The following LRP1B variants were observed in gnomAD, a reference collection of about 807,000 sequenced individuals.
LRP1B encodes the protein low-density lipoprotein receptor-related protein 1B.
In LRP1B, 217 loss-of-function variants were observed where a neutral mutation model predicts 556.6. That is an observed-to-expected ratio of 0.39 (90% confidence interval 0.35 to 0.44). LRP1B has a LOEUF of 0.44. Ranked by LOEUF, LRP1B falls within the 20% of genes least tolerant of loss-of-function variation. The pLI is 1.00. For missense variants in LRP1B, 5,053 were observed against 5,620.8 expected (o/e 0.90, Z 3.23); for synonymous variants, 2,047 against 1,865.8 (o/e 1.10, Z -2.50).
intron 1 of LRP1B, among the ~76,000 whole-genome samples, chr2:141,986,249 T>C (rs1702183725): frequency 6.6e-6 from 1 of 151,982 alleles, no homozygotes; most frequent in Admixed American, 6.6e-5. Context: ...GTAGTTAAGA[T>C]GGTAAATTTT....
chr2:141,152,423 G>GA (rs1701947357), intron 7 of LRP1B, among the ~76,000 whole-genome samples: 1 of 151,928 alleles, frequency 6.6e-6, no homozygotes, highest in Middle Eastern at 3.4e-3. Flanking sequence ...ATACACTCAG[G>GA]AAAAAATTAT....
intron 11 of LRP1B, among the ~76,000 whole-genome samples, chr2:141,026,194 G>A (rs10496864): frequency 0.13 from 19,957 of 151,962 alleles, 1,799 homozygotes; most frequent in African/African-American, 0.26. Flanking sequence ...TTTTGGTACC[G>A]ATTTCATCAA....
At chr2:141,000,497 G>A (rs1307171186) in intron 15 of LRP1B, among the ~76,000 whole-genome samples, 1 of 152,072 alleles carries the variant, frequency 6.6e-6, no homozygotes, top group African/African-American at 2.4e-5. Flanking sequence ...GGCTTTAGAT[G>A]TGTCTATTAC....
At chr2:140,244,766 ACAGAGGCAGT>A (rs113458462) in intron 87 of LRP1B, among the ~76,000 whole-genome samples, 5,733 of 151,416 alleles carry the variant, frequency 0.038, 365 homozygotes, top group African/African-American at 0.13. Flanking sequence ...AATTAGGCAG[ACAGAGGCAGT>A]GTATTCTGGA....
At chr2:140,485,991 A>G (rs1052796890) in intron 58 of LRP1B, among the ~76,000 whole-genome samples, 1 of 151,996 alleles carries the variant, frequency 6.6e-6, no homozygotes, top group South Asian at 2.1e-4. Context: ...GGAGAGAAGA[A>G]AACACCAACG....
chr2:141,248,608 G>T (rs1300161137), intron 4 of LRP1B, among the ~76,000 whole-genome samples: 1 of 152,154 alleles, frequency 6.6e-6, no homozygotes, highest in African/African-American at 2.4e-5. Flanking sequence ...AAGCAAGGGT[G>T]TGTGAAGGAA....
At chr2:141,301,869 C>T (rs751239633) in intron 3 of LRP1B, among the ~76,000 whole-genome samples, 6 of 151,988 alleles carry the variant, frequency 3.9e-5, no homozygotes, top group Non-Finnish European at 8.8e-5. Flanking sequence ...AAATCAGTAG[C>T]CTAAAAAAAC....
At chr2:141,543,803 T>A (rs546237513) in intron 2 of LRP1B, among the ~76,000 whole-genome samples, 1 of 151,836 alleles carries the variant, frequency 6.6e-6, no homozygotes, top group South Asian at 2.1e-4. Flanking sequence ...ATTTTGAGTG[T>A]TTATCATGGG....
chr2:142,123,876 A>C (rs1438198904), intron 1 of LRP1B, among the ~76,000 whole-genome samples: 1 of 151,940 alleles, frequency 6.6e-6, no homozygotes, highest in Non-Finnish European at 1.5e-5. Flanking sequence ...AAATGTATTA[A>C]TCAAAATTAA....
intron 41 of LRP1B, among the ~76,000 whole-genome samples, chr2:140,662,585 A>G (rs902621262): frequency 6.6e-6 from 1 of 152,198 alleles, no homozygotes; most frequent in African/African-American, 2.4e-5. Context: ...TGTTGATATT[A>G]TTGAAAATAT....
At chr2:142,017,436 G>T (rs1175499424) in intron 1 of LRP1B, among the ~76,000 whole-genome samples, 1 of 152,080 alleles carries the variant, frequency 6.6e-6, no homozygotes, top group African/African-American at 2.4e-5. Context: ...GATATATGTT[G>T]CATTCTAGGA....
chr2:141,353,143 C>G (rs562632386), intron 3 of LRP1B, among the ~76,000 whole-genome samples: 1 of 151,978 alleles, frequency 6.6e-6, no homozygotes, highest in East Asian at 1.9e-4. Context: ...GATCATATTT[C>G]CCAACATCCC....
In LRP1B at chr2:140,314,950, C is replaced by T. The variant is rs17386226; in HGVS notation, c.12790G>A (p.Val4264Ile). The T allele has an allele frequency of 1.6e-4, 252 of 1,603,940 alleles. 3 individuals carry two copies. In the South Asian group the frequency reaches 1.8e-3, roughly 11 times the overall value. The change falls in exon 83 of 91, where the codon GTA becomes ATA. Residue 4264 changes from valine (V) to isoleucine (I), a missense_variant. Coordinates refer to ENST00000389484, the MANE Select transcript of LRP1B (RefSeq NM_018557.3). ...SNYCQNGGTC[V>I]PSVLGRPTCS... ...AAATATTTACCTAGAACTGATGGTA[C>T]GCAAGTTCCTCCATTCTGGCAGTAG...
At chr2:140,361,740 C>G (rs972765522) in intron 72 of LRP1B, among the ~76,000 whole-genome samples, 1 of 151,346 alleles carries the variant, frequency 6.6e-6, no homozygotes, top group Non-Finnish European at 1.5e-5. Context: ...CCTGACCTAT[C>G]TTTATTTCCA....
Position 140,404,431 on chromosome 2 carries a change from C to T in LRP1B, c.10415-18422G>A, listed in dbSNP as rs1293080220. Among the ~76,000 whole-genome samples, 4 of 151,870 alleles carry T rather than the reference C, an allele frequency of 2.6e-5. No individual in the cohort carries two copies. In the East Asian group the frequency reaches 5.8e-4, roughly 22 times the overall value. ...TCATGATCCGCCCACTTCGGCCTCC[C>T]AATGTGCTGGGATTGCAGGCATGAG... On this transcript the variant is annotated intron_variant, in intron 66 of 90. Coordinates refer to ENST00000389484, the MANE Select transcript of LRP1B (RefSeq NM_018557.3).
chr2:140,297,921 C>T lies in LRP1B; in HGVS notation c.12854G>A (p.Gly4285Asp), dbSNP rs774017589. The change falls in exon 84 of 91, where the codon GGT becomes GAT. Residue 4285 changes from glycine to aspartate, a missense_variant. By Grantham distance (94) the Gly-to-Asp change is moderately conservative. Transcript: ENST00000389484. ...ACAAAAATCCTCACAGACTGTCTTACCACAGTTTGGCCCAGTGAAACCCAG... is the reference window on the plus strand; with the variant it reads ...ACAAAAATCCTCACAGACTGTCTTATCACAGTTTGGCCCAGTGAAACCCAG... ...CALGFTGPNC[G>D]KTVCEDFCQN... 6 of 1,613,730 alleles carry T rather than the reference C, an allele frequency of 3.7e-6. No individual in the cohort carries two copies. The highest frequency in any genetic ancestry group is 3.3e-5 in the South Asian group (3 of 91,058).
intron 41 of LRP1B, among the ~76,000 whole-genome samples, chr2:140,603,863 C>G (rs534655061): frequency 2.6e-5 from 4 of 151,932 alleles, no homozygotes; most frequent in African/African-American, 9.7e-5. Flanking sequence ...AACAAAAAGC[C>G]AATTAAAATT....
intron 1 of LRP1B, among the ~76,000 whole-genome samples, chr2:141,815,065 A>G (rs1458071885): frequency 6.6e-6 from 1 of 152,180 alleles, no homozygotes; most frequent in African/African-American, 2.4e-5. Context: ...GTAGACTCAT[A>G]GGCTGAGGGA....
rs1573939859 is a variant in LRP1B, at chr2:141,433,082, G to A, written c.343+47314C>T. Among the ~76,000 whole-genome samples, 5 of 151,966 alleles carry A rather than the reference G, an allele frequency of 3.3e-5. No individual in the cohort carries two copies. In the Middle Eastern group the frequency reaches 0.017, roughly 517 times the overall value. On this transcript the variant is annotated intron_variant, in intron 3 of 90. Coordinates refer to ENST00000389484, the MANE Select transcript of LRP1B (RefSeq NM_018557.3). ...TAGCTGCATAAATTTTGGTGTTTAT[G>A]TTTTCATTTTCATTCATCTCAAAGT... is the stretch of plus-strand genomic sequence containing the variant.
Sources: allele counts gnomAD v4.1 joint callset (sites outside exome capture counted in the v4.1 genomes callset), GRCh38; gene constraint gnomAD v4.1.1; transcripts MANE v1.5; gene names NCBI Gene and HGNC (gene_info 2026-07-23, HGNC 2026-07-21).